MBNL1: variants seen among roughly 807,000 people sequenced by gnomAD.
MBNL1 encodes the protein muscleblind-like protein 1.
MBNL1 carries 8 observed loss-of-function variants against 42.2 expected under a neutral mutation model. The observed-to-expected ratio is 0.19, with a 90% CI of 0.11 to 0.34. MBNL1 has a LOEUF of 0.34. Ranked by LOEUF, MBNL1 falls within the 10% of genes least tolerant of loss-of-function variation. MBNL1 has a pLI of 1.00. For synonymous variants in MBNL1, 169 were observed against 173.9 expected (o/e 0.97, Z 0.22); for missense variants, 309 against 495.3 (o/e 0.62, Z 3.57).
At chr3:152,288,575 G>T (rs900421613) in intron 1 of MBNL1, among the ~76,000 whole-genome samples, 1 of 152,044 alleles carries the variant, frequency 6.6e-6, no homozygotes, top group African/African-American at 2.4e-5. Flanking sequence ...TAGATATAAT[G>T]TATTAAAAAA....
chr3:152,435,245 A>G (rs537881002), intron 4 of MBNL1, among the ~76,000 whole-genome samples: 69 of 152,086 alleles, frequency 4.5e-4, no homozygotes, highest in Non-Finnish European at 8.7e-4. Flanking sequence ...TCCAGTTTCA[A>G]TCTTCTGTGT....
intron 1 of MBNL1, among the ~76,000 whole-genome samples, chr3:152,272,992 T>C (rs567507990): frequency 1.3e-5 from 2 of 152,288 alleles, no homozygotes; most frequent in Admixed American, 1.3e-4. Context: ...GGATTCTTCG[T>C]GGGGAGGTTA....
At chr3:152,293,368 C>T (rs2057031267) in intron 1 of MBNL1, among the ~76,000 whole-genome samples, 1 of 152,190 alleles carries the variant, frequency 6.6e-6, no homozygotes, top group Non-Finnish European at 1.5e-5. Flanking sequence ...TTAGTGAATA[C>T]AGAGATGGCT....
chr3:152,272,552 T>G (rs1307497511), intron 1 of MBNL1, among the ~76,000 whole-genome samples: 2 of 152,058 alleles, frequency 1.3e-5, no homozygotes, highest in African/African-American at 4.8e-5. Context: ...GTGTTTTCTT[T>G]TGCTAGAACT....
chr3:152,304,913 TTAGA>T (rs1161908343), intron 2 of MBNL1, among the ~76,000 whole-genome samples: 1 of 152,196 alleles, frequency 6.6e-6, no homozygotes, highest in Non-Finnish European at 1.5e-5. Context: ...TTTTAGACTA[TTAGA>T]TAAATTGTAA....
intron 2 of MBNL1, among the ~76,000 whole-genome samples, chr3:152,365,825 T>C (rs1426228403): frequency 9.9e-5 from 15 of 152,134 alleles, no homozygotes; most frequent in Non-Finnish European, 2.9e-5. Flanking sequence ...GGACCTTTTT[T>C]CTCGTCTAAG....
intron 8 of MBNL1, among the ~76,000 whole-genome samples, chr3:152,456,980 G>A (rs1734963518): frequency 6.6e-6 from 1 of 152,056 alleles, no homozygotes; most frequent in Non-Finnish European, 1.5e-5. Flanking sequence ...AAATGTTGGA[G>A]ATTTATGAAG....
At chr3:152,325,568 T>C (rs2086247521) in intron 2 of MBNL1, among the ~76,000 whole-genome samples, 1 of 152,104 alleles carries the variant, frequency 6.6e-6, no homozygotes, top group Admixed American at 6.6e-5. Flanking sequence ...TTTTAGTTTA[T>C]AGTTAATTTT....
chr3:152,373,362 A>C (rs1038359549), intron 2 of MBNL1, among the ~76,000 whole-genome samples: 17 of 151,258 alleles, frequency 1.1e-4, no homozygotes, highest in Non-Finnish European at 1.9e-4. Flanking sequence ...AAAAAAAAAA[A>C]AAACCTTCTG....
chr3:152,405,685 G>A (rs1408982013), intron 2 of MBNL1, among the ~76,000 whole-genome samples: 7 of 152,010 alleles, frequency 4.6e-5, no homozygotes, highest in African/African-American at 1.7e-4. Flanking sequence ...TTTATCCCCA[G>A]GAAAGCTCTA....
chr3:152,422,253 C>T (rs1180006301), intron 3 of MBNL1, among the ~76,000 whole-genome samples: 1 of 113,748 alleles, frequency 8.8e-6, no homozygotes, highest in Non-Finnish European at 1.8e-5. Flanking sequence ...GAATATTTAC[C>T]AAGCAAATGG....
chr3:152,383,904 A>G (rs1400975680), intron 2 of MBNL1, among the ~76,000 whole-genome samples: 2 of 152,064 alleles, frequency 1.3e-5, no homozygotes, highest in South Asian at 2.1e-4. Context: ...TAGCAGATCT[A>G]TATTGTACTC....
chr3:152,451,768 G>C (rs1723475169), intron 6 of MBNL1, among the ~76,000 whole-genome samples: 2 of 152,180 alleles, frequency 1.3e-5, no homozygotes, highest in Admixed American at 1.3e-4. Flanking sequence ...ACGTTTTATT[G>C]AATGGTTGCT....
chr3:152,446,625 C>T lies in MBNL1; in HGVS notation c.808-995C>T, dbSNP rs1432202928. On this transcript the variant is annotated intron_variant, in intron 5 of 9. Transcript: ENST00000324210. ...AATGCACTGCTGCCCCCATGATGCA[C>T]CTCTGCTTGCTGTTTATGTTAATGC... 3 of 1,077,102 alleles carry T rather than the reference C, an allele frequency of 2.8e-6. No homozygotes were observed. The African/African-American group carries it at 4.7e-5, about 17-fold the overall frequency. 66.7% of individuals were successfully genotyped at this position (1,077,102 alleles called of 1,614,324 possible).
At chr3:152,307,564 C>G (rs1026253791) in intron 2 of MBNL1, among the ~76,000 whole-genome samples, 2 of 152,042 alleles carry the variant, frequency 1.3e-5, no homozygotes, top group African/African-American at 4.8e-5. Context: ...AAAATCTCAT[C>G]GAGATAGTTA....
chr3:152,389,916 C>G (rs981740496), intron 2 of MBNL1, among the ~76,000 whole-genome samples: 3 of 151,924 alleles, frequency 2.0e-5, no homozygotes, highest in Non-Finnish European at 4.4e-5. Context: ...CGCTCTGTTG[C>G]CCAGGCTGGA....
At chr3:152,342,553 A>AACAC (rs111644138) in intron 2 of MBNL1, among the ~76,000 whole-genome samples, 5,427 of 146,030 alleles carry the variant, frequency 0.037, 205 homozygotes, top group African/African-American at 0.096. Context: ...AACTAAACAA[A>AACAC]ACACACACAC....
At chr3:152,336,703 C>A (rs901208607) in intron 2 of MBNL1, among the ~76,000 whole-genome samples, 13 of 152,098 alleles carry the variant, frequency 8.5e-5, no homozygotes, top group Admixed American at 2.0e-4. Flanking sequence ...CAGAAGTAAA[C>A]CTTGCACAAG....
intron 1 of MBNL1, among the ~76,000 whole-genome samples, chr3:152,277,700 T>C (rs1455794978): frequency 6.6e-6 from 1 of 152,052 alleles, no homozygotes; most frequent in Non-Finnish European, 1.5e-5. Context: ...TTACAAGCTT[T>C]TTACAAATAA....
Sources: gnomAD v4.1 joint callset for allele counts (sites outside exome capture counted in the v4.1 genomes callset) on GRCh38, gnomAD v4.1.1 for gene constraint, MANE v1.5 for transcripts, NCBI Gene and HGNC (gene_info 2026-07-23, HGNC 2026-07-21) for gene names.